Variants in GLIS3 observed in about 807,000 individuals in gnomAD.
The protein encoded by GLIS3 is GLIS family zinc finger 3, also known as zinc finger protein GLIS3.
Under a neutral mutation model 78.6 loss-of-function variants are expected in GLIS3, and 53 were observed. The ratio of observed to expected loss-of-function variants is 0.67; its 90% CI spans 0.54 to 0.85. The LOEUF is 0.85. GLIS3 is among the 40% of genes least tolerant of loss of function. GLIS3 has a pLI of 0.00. For missense variants in GLIS3, 1,703 were observed against 1,231.1 expected (o/e 1.38, Z -5.74); for synonymous variants, 684 against 509.9 (o/e 1.34, Z -4.60).
chr9:4,069,813 A>C (rs2027393), intron 4 of GLIS3, among the ~76,000 whole-genome samples: 145 of 151,740 alleles, frequency 9.6e-4, no homozygotes, highest in South Asian at 8.7e-3. Flanking sequence ...CTAAAATACC[A>C]TTGTGCATTT....
chr9:3,959,193 G>T (rs1303264752), intron 4 of GLIS3, among the ~76,000 whole-genome samples: 1 of 152,182 alleles, frequency 6.6e-6, no homozygotes, highest in African/African-American at 2.4e-5. Flanking sequence ...TCTTGAATGG[G>T]ATTAATGCCC....
At chr9:4,434,471 G>A in the GLIS3 span, among the ~76,000 whole-genome samples, 2 of 152,078 alleles carry the variant, frequency 1.3e-5, no homozygotes, top group Non-Finnish European at 2.9e-5. Flanking sequence ...AAAAATAATA[G>A]AAGCTTTGGG....
At chr9:4,065,612 T>TGTAA (rs1016243107) in intron 4 of GLIS3, among the ~76,000 whole-genome samples, 2 of 152,234 alleles carry the variant, frequency 1.3e-5, no homozygotes, top group African/African-American at 4.8e-5. Flanking sequence ...GTATTAACTG[T>TGTAA]GTAAGTTTCC....
At chr9:4,199,890 G>A (rs1267806386) in intron 2 of GLIS3, among the ~76,000 whole-genome samples, 1 of 152,022 alleles carries the variant, frequency 6.6e-6, no homozygotes, top group African/African-American at 2.4e-5. Context: ...ATACTCCAAA[G>A]CCAACCACAT....
the GLIS3 span, among the ~76,000 whole-genome samples, chr9:4,399,200 G>T: frequency 4.6e-5 from 7 of 152,140 alleles, no homozygotes; most frequent in African/African-American, 1.7e-4. Flanking sequence ...TGTTTGGGAT[G>T]ATGGATACGC....
chr9:4,056,989 C>T (rs1053273451), intron 4 of GLIS3, among the ~76,000 whole-genome samples: 22 of 150,832 alleles, frequency 1.5e-4, no homozygotes, highest in African/African-American at 4.6e-4. Context: ...TGAATCGTGC[C>T]CCCTAGAATT....
At chr9:4,416,210 C>A in the GLIS3 span, among the ~76,000 whole-genome samples, 2 of 124,104 alleles carry the variant, frequency 1.6e-5, no homozygotes, top group African/African-American at 6.3e-5. Context: ...TGAGATTGAG[C>A]CACTGTACTC....
chr9:4,158,503 C>T (rs1331255014), intron 2 of GLIS3, among the ~76,000 whole-genome samples: 1 of 152,198 alleles, frequency 6.6e-6, no homozygotes, highest in African/African-American at 2.4e-5. Flanking sequence ...ATACTGTCTC[C>T]TGTCTTCCAG....
intron 2 of GLIS3, among the ~76,000 whole-genome samples, chr9:4,239,621 G>A (rs887716625): frequency 2.0e-5 from 3 of 152,170 alleles, no homozygotes; most frequent in Non-Finnish European, 2.9e-5. Flanking sequence ...TGTAACAGAA[G>A]GTCTACGCTT....
chr9:4,478,241 C>T, the GLIS3 span, among the ~76,000 whole-genome samples: 1 of 152,184 alleles, frequency 6.6e-6, no homozygotes, highest in African/African-American at 2.4e-5. Context: ...GGGAAAGGAT[C>T]ATGATTGTAA....
At chr9:3,892,864 T>C (rs1031071476) in intron 7 of GLIS3, among the ~76,000 whole-genome samples, 1 of 152,194 alleles carries the variant, frequency 6.6e-6, no homozygotes, top group Non-Finnish European at 1.5e-5. Context: ...TTTGCCACCT[T>C]CTTAAGACCT....
chr9:4,231,235 G>C (rs1822225979), intron 2 of GLIS3, among the ~76,000 whole-genome samples: 1 of 152,104 alleles, frequency 6.6e-6, no homozygotes. Context: ...ACAGTCAACT[G>C]AACTAGAAAA....
At position 3,981,128 on chromosome 9, in the gene GLIS3, C is replaced by T. The variant is rs191522276; in HGVS notation, c.1711-43939G>A. 1.9e-3 allele frequency among the ~76,000 whole-genome samples: 288 copies of T among 152,302 alleles called. 3 individuals are homozygous for T. Among genetic ancestry groups the T allele is most frequent in the African/African-American group, 6.6e-3 (274 of 41,564 alleles). On this transcript the variant is annotated intron_variant, in intron 4 of 10. Transcript: ENST00000381971. Reference sequence around the variant, plus strand: ...TCCGCTACCTCTTGGAGTTTATGTCCTCATTTCAATTAAACAAGCCTTTGT... The same window carrying T: ...TCCGCTACCTCTTGGAGTTTATGTCTTCATTTCAATTAAACAAGCCTTTGT...
rs1824994910 is a variant in GLIS3, at chr9:4,043,427, G to T, written c.1710+74341C>A. ...GGGGAGCAGTTCTGATTGAGCTGTGGTAGGATTCCCAGGAGATAATCAGGT... is the reference window on the plus strand; with the variant it reads ...GGGGAGCAGTTCTGATTGAGCTGTGTTAGGATTCCCAGGAGATAATCAGGT... On this transcript the variant is annotated intron_variant, in intron 4 of 10. Transcript: ENST00000381971. 2.0e-5 allele frequency among the ~76,000 whole-genome samples: 3 copies of T among 152,182 alleles called. No homozygotes were observed. The South Asian group carries it at 6.2e-4, about 32-fold the overall frequency.
At chr9:4,110,235 C>T (rs1378507119) in intron 4 of GLIS3, among the ~76,000 whole-genome samples, 1 of 152,146 alleles carries the variant, frequency 6.6e-6, no homozygotes, top group Non-Finnish European at 1.5e-5. Flanking sequence ...TTTAGACTGA[C>T]ATTCCAGTGA....
At chr9:4,074,176 G>T (rs1441899014) in intron 4 of GLIS3, among the ~76,000 whole-genome samples, 2 of 152,134 alleles carry the variant, frequency 1.3e-5, no homozygotes. Context: ...GCCTAGGGAT[G>T]GTCAATATCA....
At chr9:4,125,435 T>C (rs914372245) in intron 3 of GLIS3, among the ~76,000 whole-genome samples, 32 of 152,220 alleles carry the variant, frequency 2.1e-4, no homozygotes, top group East Asian at 5.8e-4. Context: ...TCACCAGAAA[T>C]TGACAAATTT....
At chr9:4,256,610 T>G (rs1824965449) in intron 2 of GLIS3, among the ~76,000 whole-genome samples, 1 of 152,192 alleles carries the variant, frequency 6.6e-6, no homozygotes, top group Admixed American at 6.5e-5. Flanking sequence ...CCAGTAATTC[T>G]ACTCCTAGAT....
intron 4 of GLIS3, among the ~76,000 whole-genome samples, chr9:4,065,794 C>G (rs1042840979): frequency 6.6e-6 from 1 of 152,102 alleles, no homozygotes; most frequent in Non-Finnish European, 1.5e-5. Context: ...ATAAAAATTA[C>G]ATGGTTAAAG....
Sources: gnomAD v4.1 joint callset for allele counts (sites outside exome capture counted in the v4.1 genomes callset) on GRCh38, gnomAD v4.1.1 for gene constraint, MANE v1.5 for transcripts, NCBI Gene and HGNC (gene_info 2026-07-23, HGNC 2026-07-21) for gene names.